Variants in COL9A1 observed in about 807,000 individuals in gnomAD.
COL9A1 encodes collagen alpha-1(IX) chain.
COL9A1 carries 104 observed loss-of-function variants against 142.6 expected under a neutral mutation model. The ratio of observed to expected loss-of-function variants is 0.73; its 90% CI spans 0.62 to 0.86. COL9A1 has a LOEUF of 0.86. Among genes scored for constraint, COL9A1 ranks in the 40% least tolerant of loss-of-function variants. COL9A1 has a pLI of 0.00. For missense variants in COL9A1, 1,210 were observed against 1,176.6 expected (o/e 1.03, Z -0.42); for synonymous variants, 466 against 396.0 (o/e 1.18, Z -2.10).
intron 33 of COL9A1, among the ~76,000 whole-genome samples, chr6:70,237,843 C>T (rs947701690): frequency 6.6e-6 from 1 of 152,152 alleles, no homozygotes; most frequent in East Asian, 1.9e-4. Flanking sequence ...TGCAAAGAGC[C>T]CAAGGCTAGG....
chr6:70,286,778 A>C (rs964602351), intron 5 of COL9A1, among the ~76,000 whole-genome samples: 1 of 152,222 alleles, frequency 6.6e-6, no homozygotes, highest in Non-Finnish European at 1.5e-5. Context: ...CGGCTGTTCC[A>C]GACATAGTGC....
intron 28 of COL9A1, chr6:70,246,262 A>AT (rs1423808730): frequency 6.6e-6 from 1 of 152,072 alleles, no homozygotes; most frequent in African/African-American, 2.4e-5. Context: ...CGGGAGGCTG[A>AT]GGGGGGAGAA....
In COL9A1 at chr6:70,242,010, G is replaced by C. The variant is rs139305174; in HGVS notation, c.1952C>G (p.Pro651Arg). 3 of 1,598,748 alleles carry C rather than the reference G, an allele frequency of 1.9e-6. No homozygotes were observed. Among genetic ancestry groups the C allele is most frequent in the South Asian group, 1.1e-5 (1 of 88,360 alleles). The change falls in exon 30 of 38, where the codon CCT becomes CGT. Residue 651 changes from proline to arginine, a missense_variant. Physicochemically the swap from Pro to Arg is moderately radical, Grantham distance 103. Transcript: ENST00000357250. The stretch of plus-strand genomic sequence containing the variant: ...AAGTCCAGGGGGCCCAGGCAAGCCA[G>C]GGAGGCCAGGGCTACCCAGAGAACC... Reference protein sequence around the residue: ...KLGSLGSPGLPGLPGPPGLPG... With the variant: ...KLGSLGSPGLRGLPGPPGLPG...
intron 19 of COL9A1, among the ~76,000 whole-genome samples, chr6:70,261,385 A>G (rs141584763): frequency 5.4e-4 from 82 of 152,188 alleles, no homozygotes; most frequent in Non-Finnish European, 9.4e-4. Context: ...TGGCCCCCAT[A>G]CTAGGAGGGA....
chr6:70,279,422 G>C (rs1453240537), intron 10 of COL9A1: 1 of 152,142 alleles, frequency 6.6e-6, no homozygotes, highest in African/African-American at 2.4e-5. Context: ...TAGGGGCTTT[G>C]AAATGTAAAC....
At chr6:70,262,870 T>C (rs908803627) in intron 19 of COL9A1, among the ~76,000 whole-genome samples, 1 of 152,238 alleles carries the variant, frequency 6.6e-6, no homozygotes, top group Non-Finnish European at 1.5e-5. Flanking sequence ...ATAAATGATA[T>C]ACCTACTGCA....
intron 26 of COL9A1, 91 bp downstream of exon 26, chr6:70,253,294 A>G (rs1771068095): frequency 6.6e-6 from 6 of 905,292 alleles, no homozygotes; most frequent in Non-Finnish European, 1.0e-5. Flanking sequence ...ATAAAATAAA[A>G]CACATGCTGA....
In COL9A1 at chr6:70,242,028, A is replaced by G; in HGVS notation, c.1934T>C (p.Leu645Pro). The G allele has an allele frequency of 6.3e-7, 1 of 1,593,834 alleles. No individual in the cohort carries two copies. The highest frequency in any genetic ancestry group is 1.1e-5 in the South Asian group (1 of 87,806). ...SPGLPGKLGSLGSPGLPGLPG... is the reference protein window; with the variant it reads ...SPGLPGKLGSPGSPGLPGLPG... ...CAAGCCAGGGAGGCCAGGGCTACCC[A>G]GAGAACCCTGGAAAGCAAAAACAAA... The change falls in exon 30 of 38, where the codon CTG becomes CCG. Residue 645 changes from leucine to proline, a missense_variant. Transcript: ENST00000357250.
chr6:70,251,205 A>C (rs76490085), intron 28 of COL9A1, among the ~76,000 whole-genome samples: 7,217 of 152,252 alleles, frequency 0.047, 353 homozygotes, highest in East Asian at 0.14. Context: ...GCATAGATAA[A>C]CCTTGAAACA....
intron 28 of COL9A1, among the ~76,000 whole-genome samples, chr6:70,247,822 C>G (rs1403747431): frequency 2.0e-5 from 3 of 152,144 alleles, no homozygotes; most frequent in Non-Finnish European, 4.4e-5. Context: ...TGTCCAAACT[C>G]TAACCATCAC....
chr6:70,292,702 G>A (rs1411949939), intron 5 of COL9A1, among the ~76,000 whole-genome samples: 2 of 152,166 alleles, frequency 1.3e-5, no homozygotes, highest in Non-Finnish European at 1.5e-5. Context: ...CTTGACTGAT[G>A]TTTGTAACAG....
intron 33 of COL9A1, among the ~76,000 whole-genome samples, chr6:70,236,650 G>C (rs186502697): frequency 6.6e-6 from 1 of 151,898 alleles, no homozygotes; most frequent in Admixed American, 6.6e-5. Flanking sequence ...TTCCAATTTC[G>C]CTTTATGCAA....
At chr6:70,219,292 A>T (rs1351760973) in intron 37 of COL9A1, among the ~76,000 whole-genome samples, 2 of 151,976 alleles carry the variant, frequency 1.3e-5, no homozygotes, top group African/African-American at 4.8e-5. Context: ...TAGAAAACCA[A>T]ATGAGCACAG....
At chr6:70,302,321 T>C (rs551924063) in intron 1 of COL9A1, among the ~76,000 whole-genome samples, 3 of 149,928 alleles carry the variant, frequency 2.0e-5, no homozygotes, top group African/African-American at 7.3e-5. Flanking sequence ...ACGATTCTCC[T>C]GCCTCAGCCT....
chr6:70,267,667 G>A (rs563122987), intron 17 of COL9A1, among the ~76,000 whole-genome samples: 3 of 152,232 alleles, frequency 2.0e-5, no homozygotes, highest in African/African-American at 2.4e-5. Flanking sequence ...ATAAAGGGCA[G>A]TGGGTGAAAG....
intron 13 of COL9A1, 115 bp downstream of exon 13, chr6:70,271,950 G>C: frequency 9.1e-7 from 1 of 1,100,782 alleles, no homozygotes; most frequent in Non-Finnish European, 1.4e-6. Context: ...AGATCTTGCA[G>C]GTAGAACACT....
chr6:70,273,263 A>G (rs1772523221), intron 12 of COL9A1, among the ~76,000 whole-genome samples: 1 of 152,158 alleles, frequency 6.6e-6, no homozygotes, highest in Non-Finnish European at 1.5e-5. Flanking sequence ...GTAATCAATA[A>G]GTTCTTTCAT....
chr6:70,234,896 A>C lies in COL9A1; in HGVS notation c.2157T>G (p.Ser719Arg). 7 of 1,549,608 alleles carry C rather than the reference A, an allele frequency of 4.5e-6. No homozygotes were observed. Among genetic ancestry groups the C allele is most frequent in the Non-Finnish European group, 6.2e-6 (7 of 1,121,642 alleles). ...GEPGLRGPEG[S>R]RGLPGVEGPR... ...GTCCTTCCACTCCAGGAAGCCCCCG[A>C]CTTCCCTCAGGCCCTCTCAAGCCAG... The change falls in exon 34 of 38, where the codon AGT becomes AGG. Residue 719 changes from serine (S) to arginine (R), a missense_variant. By Grantham distance (110) the Ser-to-Arg change is moderately radical. Transcript: ENST00000357250.
At position 70,229,787 on chromosome 6, in the gene COL9A1, T is replaced by C. The variant is rs558290851; in HGVS notation, c.2503+2796A>G. On this transcript the variant is annotated intron_variant, in intron 36 of 37. Coordinates refer to ENST00000357250, the MANE Select transcript of COL9A1 (RefSeq NM_001851.6). ...TAAGCCTGGGCCCTAACATTTTGTA[T>C]AATATTGTGTAAAGCATGTCAGTGA... Among the ~76,000 whole-genome samples the C allele has an allele frequency of 2.0e-5, 3 of 152,304 alleles. No homozygotes were observed. The East Asian group carries it at 5.8e-4, about 29-fold the overall frequency.
Sources: allele counts gnomAD v4.1 joint callset (sites outside exome capture counted in the v4.1 genomes callset), GRCh38; gene constraint gnomAD v4.1.1; transcripts MANE v1.5; gene names NCBI Gene and HGNC (gene_info 2026-07-23, HGNC 2026-07-21).